GRID2: variants seen among roughly 807,000 people sequenced by gnomAD.
GRID2 encodes the protein glutamate ionotropic receptor delta type subunit 2.
In GRID2, 33 loss-of-function variants were observed where a neutral mutation model predicts 114.8. That is an observed-to-expected ratio of 0.29 (90% CI 0.22 to 0.38). The LOEUF (loss-of-function observed/expected upper bound fraction) is 0.38. Among genes scored for constraint, GRID2 ranks in the 10% least tolerant of loss-of-function variants. The pLI, the probability that GRID2 is intolerant of heterozygous loss-of-function variation, is 1.00. For synonymous variants in GRID2, 505 were observed against 449.9 expected, an observed-to-expected ratio of 1.12 and a Z score of -1.55; for missense variants, 1,184 against 1,257.7, an observed-to-expected ratio of 0.94 and a Z score of 0.89.
At chr4:92,979,029 A>G (rs1314816606) in intron 2 of GRID2, among the ~76,000 whole-genome samples, 2 of 152,112 alleles carry the variant, frequency 1.3e-5, no homozygotes, top group Non-Finnish European at 2.9e-5. Context: ...TCTAAAAAAT[A>G]AAAATAAAAA....
At chr4:92,710,161 C>T (rs191230063) in intron 2 of GRID2, among the ~76,000 whole-genome samples, 182 of 152,168 alleles carry the variant, frequency 1.2e-3, no homozygotes, top group Non-Finnish European at 2.1e-3. Flanking sequence ...TGATGCCATA[C>T]CAATTATCAA....
Position 92,590,198 on chromosome 4 carries a change from C to T in GRID2, c.156C>T (p.Asn52=). Residue 52 remains asparagine (N), a synonymous_variant, in exon 2 of 16, where the codon AAC becomes AAT. Transcript: ENST00000282020. The stretch of plus-strand genomic sequence containing the variant: ...TTCGCACTGCGGTTGGTGACCTTAA[C>T]CAGAATGAGGAGATCTTACAGACTG... ...EVFRTAVGDL[N]QNEEILQTEK... 1.2e-6 allele frequency: 2 copies of T among 1,611,460 alleles called. No individual in the cohort carries two copies. The highest frequency in any genetic ancestry group is 1.7e-6 in the Non-Finnish European group (2 of 1,177,706).
intron 1 of GRID2, among the ~76,000 whole-genome samples, chr4:92,461,252 A>G (rs1468507731): frequency 1.3e-5 from 2 of 152,022 alleles, no homozygotes; most frequent in African/African-American, 2.4e-5. Context: ...CTTAGTTAAC[A>G]TCATTGATAG....
intron 2 of GRID2, among the ~76,000 whole-genome samples, chr4:92,989,697 T>G (rs879436214): frequency 6.6e-6 from 1 of 152,154 alleles, no homozygotes; most frequent in Non-Finnish European, 1.5e-5. Context: ...TACACACCAA[T>G]ATATGCATCT....
chr4:93,477,486 C>G (rs751861406), intron 11 of GRID2, among the ~76,000 whole-genome samples: 15 of 152,050 alleles, frequency 9.9e-5, no homozygotes, highest in Admixed American at 3.9e-4. Context: ...TACTACCAAG[C>G]CTTTCGACCA....
At chr4:93,764,681 G>T (rs1056047899) in intron 14 of GRID2, among the ~76,000 whole-genome samples, 1 of 152,118 alleles carries the variant, frequency 6.6e-6, no homozygotes, top group Non-Finnish European at 1.5e-5. Flanking sequence ...GATTTTAGCC[G>T]TTAGTTCATC....
intron 8 of GRID2, among the ~76,000 whole-genome samples, chr4:93,291,544 C>G (rs1477300835): frequency 6.6e-6 from 1 of 152,084 alleles, no homozygotes; most frequent in Non-Finnish European, 1.5e-5. Flanking sequence ...TTAAAAAATA[C>G]ATAATTGTGT....
chr4:93,517,549 CAATT>C (rs1188298388), intron 13 of GRID2, among the ~76,000 whole-genome samples: 2 of 151,912 alleles, frequency 1.3e-5, no homozygotes, highest in East Asian at 3.9e-4. Context: ...AAACAGCTGA[CAATT>C]GATTAGACAG....
intron 14 of GRID2, among the ~76,000 whole-genome samples, chr4:93,654,443 G>A (rs1722834499): frequency 6.6e-6 from 1 of 152,024 alleles, no homozygotes; most frequent in South Asian, 2.1e-4. Context: ...CATTTATTCT[G>A]CTTCACACAT....
At chr4:93,598,459 A>C (rs773331871) in intron 13 of GRID2, among the ~76,000 whole-genome samples, 1 of 152,120 alleles carries the variant, frequency 6.6e-6, no homozygotes, top group East Asian at 1.9e-4. Flanking sequence ...GCTTCAAATC[A>C]CTGACTCTAA....
At chr4:93,099,979 C>T (rs369995130) in intron 3 of GRID2, among the ~76,000 whole-genome samples, 2 of 151,896 alleles carry the variant, frequency 1.3e-5, no homozygotes, top group South Asian at 2.1e-4. Flanking sequence ...CTGACTTTCT[C>T]TCTAGACAGT....
intron 8 of GRID2, among the ~76,000 whole-genome samples, chr4:93,348,590 T>C (rs1760474200): frequency 6.6e-6 from 1 of 152,120 alleles, no homozygotes; most frequent in South Asian, 2.1e-4. Context: ...AATGGCCTCC[T>C]TGGAAATTAT....
intron 2 of GRID2, among the ~76,000 whole-genome samples, chr4:92,745,268 A>G (rs995476382): frequency 6.6e-6 from 1 of 152,220 alleles, no homozygotes; most frequent in South Asian, 2.1e-4. Context: ...GTATGTCTTT[A>G]AAAAATTACT....
chr4:92,468,938 G>A (rs746787059), intron 1 of GRID2, among the ~76,000 whole-genome samples: 4 of 152,156 alleles, frequency 2.6e-5, no homozygotes, highest in Non-Finnish European at 5.9e-5. Flanking sequence ...AAGGCACTGT[G>A]AAGAGAAGGG....
At chr4:93,417,302 C>G (rs1157989644) in intron 9 of GRID2, among the ~76,000 whole-genome samples, 1 of 152,046 alleles carries the variant, frequency 6.6e-6, no homozygotes, top group African/African-American at 2.4e-5. Context: ...TCTTACTATC[C>G]CATTTCCCTT....
chr4:93,361,497 T>TATG (rs1761877769), intron 8 of GRID2, among the ~76,000 whole-genome samples: 1 of 150,548 alleles, frequency 6.6e-6, no homozygotes, highest in Admixed American at 6.6e-5. Context: ...TTATTATTAT[T>TATG]ATTTGTAGGA....
intron 14 of GRID2, among the ~76,000 whole-genome samples, chr4:93,697,460 C>T (rs776530173): frequency 2.4e-4 from 37 of 152,134 alleles, no homozygotes; most frequent in Non-Finnish European, 3.5e-4. Flanking sequence ...TCACTTGAGA[C>T]TCCAGGAATT....
At position 93,769,611 on chromosome 4, in the gene GRID2, A is replaced by G. The variant is rs770426222; in HGVS notation, c.2601+161A>G. Among the ~76,000 whole-genome samples the G allele has an allele frequency of 3.2e-4, 48 of 152,336 alleles. 1 individual carries two copies. Among genetic ancestry groups the G allele is most frequent in the Admixed American group, 5.9e-4 (9 of 15,302 alleles). On this transcript the variant is annotated intron_variant, in intron 15 of 15. Transcript: ENST00000282020. Reference sequence around the variant, plus strand: ...TGAAATATAAAAATTGGTAAGATCAATATCAATTTCCATTTTAGGATATCC... The same window carrying G: ...TGAAATATAAAAATTGGTAAGATCAGTATCAATTTCCATTTTAGGATATCC...
At chr4:93,803,514 G>T (rs6816689) in intron 1 of GRID2, among the ~76,000 whole-genome samples, 3,178 of 152,148 alleles carry the variant, frequency 0.021, 59 homozygotes, top group African/African-American at 0.05. Context: ...ACAAGGTCAG[G>T]AGTTCGAGAC....
Sources: gnomAD v4.1 joint callset for allele counts (sites outside exome capture counted in the v4.1 genomes callset) on GRCh38, gnomAD v4.1.1 for gene constraint, MANE v1.5 for transcripts, NCBI Gene and HGNC (gene_info 2026-07-23, HGNC 2026-07-21) for gene names.